Variants in SEPTIN14 observed in about 807,000 individuals in gnomAD.
SEPTIN14 encodes the protein septin-14.
In SEPTIN14, 40 loss-of-function variants were observed where a neutral mutation model predicts 53.6. The ratio of observed to expected loss-of-function variants is 0.75; its 90% CI spans 0.58 to 0.97. The LOEUF is 0.97. Ranked by LOEUF, SEPTIN14 falls within the 50% of genes least tolerant of loss-of-function variation. The pLI is 0.00. For synonymous variants in SEPTIN14, 138 were observed against 166.8 expected, an observed-to-expected ratio of 0.83 and a Z score of 1.33; for missense variants, 471 against 508.2, an observed-to-expected ratio of 0.93 and a Z score of 0.70.
chr7:55,839,846 A>AT (rs2116043143), intron 5 of SEPTIN14, among the ~76,000 whole-genome samples: 1 of 152,306 alleles, frequency 6.6e-6, no homozygotes, highest in African/African-American at 2.4e-5. Flanking sequence ...CAAAGAGGTG[A>AT]TTAAAAAGTG....
intron 8 of SEPTIN14, 64 bp downstream of exon 8, chr7:55,807,026 T>C (rs1241671533): frequency 7.7e-6 from 9 of 1,168,200 alleles, no homozygotes; most frequent in Non-Finnish European, 1.1e-5. Context: ...CAAATTATCA[T>C]ACCTTGTGTT....
intron 1 of SEPTIN14, among the ~76,000 whole-genome samples, chr7:55,862,448 A>T (rs1031248745): frequency 6.6e-6 from 1 of 152,186 alleles, no homozygotes; most frequent in African/African-American, 2.4e-5. Flanking sequence ...ATTTGAATTT[A>T]CCCATTGAAA....
At chr7:55,811,905 T>C (rs560802807) in intron 7 of SEPTIN14, among the ~76,000 whole-genome samples, 22 of 152,162 alleles carry the variant, frequency 1.4e-4, no homozygotes, top group African/African-American at 5.3e-4. Flanking sequence ...GTGATTCTCC[T>C]GCCTCAGCCT....
chr7:55,818,568 A>G (rs909923291), intron 7 of SEPTIN14, among the ~76,000 whole-genome samples: 3 of 152,086 alleles, frequency 2.0e-5, no homozygotes, highest in South Asian at 2.1e-4. Flanking sequence ...TATGAACCAG[A>G]CAATAAATTA....
chr7:55,841,817 TG>T (rs1789316947), intron 5 of SEPTIN14, among the ~76,000 whole-genome samples: 1 of 142,966 alleles, frequency 7.0e-6, no homozygotes, highest in Non-Finnish European at 1.5e-5. Context: ...ATCACGCCAT[TG>T]CACTCTGGCC....
intron 6 of SEPTIN14, among the ~76,000 whole-genome samples, chr7:55,830,338 TATATATA>T (rs1562713347): frequency 1.3e-4 from 6 of 44,724 alleles, no homozygotes; most frequent in East Asian, 1.0e-3. Context: ...TATATATATA[TATATATA>T]TATATTTTTT....
At chr7:55,820,530 C>A (rs373180069) in intron 6 of SEPTIN14, among the ~76,000 whole-genome samples, 22 of 152,270 alleles carry the variant, frequency 1.4e-4, no homozygotes, top group African/African-American at 5.3e-4. Flanking sequence ...ATAGAAGTGT[C>A]ATTGATCCCA....
At chr7:55,840,363 C>T (rs1789287588) in intron 5 of SEPTIN14, among the ~76,000 whole-genome samples, 2 of 151,922 alleles carry the variant, frequency 1.3e-5, no homozygotes, top group Non-Finnish European at 2.9e-5. Context: ...GTGGTGGGCG[C>T]CTGTAATCCC....
At chr7:55,800,483 G>A (rs1467705298) in intron 9 of SEPTIN14, among the ~76,000 whole-genome samples, 4 of 152,192 alleles carry the variant, frequency 2.6e-5, no homozygotes, top group Admixed American at 6.6e-5. Context: ...AATTAGCTGG[G>A]TGTGGTGGCA....
rs1332711720 is a variant in SEPTIN14 at position 55,794,767 on chromosome 7, C to T, written c.*1146G>A. On this transcript the variant is annotated 3_prime_UTR_variant, in exon 10 of 10. Coordinates refer to ENST00000388975, the MANE Select transcript of SEPTIN14 (RefSeq NM_207366.3). ...CTGGCTACAAGCGATTCTCCTGCCT[C>T]AGCTTTCCGAGTAGCAGGGACTACA... 1 of 152,196 alleles carries T rather than the reference C, an allele frequency of 6.6e-6. No individual in the cohort carries two copies. Among genetic ancestry groups the T allele is most frequent in the South Asian group, 2.1e-4 (1 of 4,832 alleles). The allele number at this position is 152,196 out of a possible 1,614,324, so 9.4% of individuals were successfully genotyped here.
intron 7 of SEPTIN14, among the ~76,000 whole-genome samples, chr7:55,812,564 A>C (rs544444814): frequency 6.6e-6 from 1 of 152,200 alleles, no homozygotes; most frequent in Non-Finnish European, 1.5e-5. Context: ...TGTATATTTC[A>C]AAATTGCTAA....
chr7:55,824,675 G>A (rs1439897837), intron 6 of SEPTIN14, among the ~76,000 whole-genome samples: 3 of 151,418 alleles, frequency 2.0e-5, no homozygotes, highest in African/African-American at 7.3e-5. Flanking sequence ...TGTAATCCCA[G>A]ATACTTGGGA....
intron 6 of SEPTIN14, among the ~76,000 whole-genome samples, chr7:55,825,043 A>G (rs1041524751): frequency 1.1e-4 from 16 of 152,218 alleles, no homozygotes; most frequent in African/African-American, 2.7e-4. Context: ...AAGCCTGCAC[A>G]CAAATGTTTA....
At chr7:55,815,127 C>T (rs1788770917) in intron 7 of SEPTIN14, among the ~76,000 whole-genome samples, 1 of 152,078 alleles carries the variant, frequency 6.6e-6, no homozygotes, top group African/African-American at 2.4e-5. Flanking sequence ...TCTCTCAACA[C>T]ATATAAAAAT....
intron 6 of SEPTIN14, among the ~76,000 whole-genome samples, chr7:55,830,469 G>A (rs779342818): frequency 1.3e-5 from 2 of 149,048 alleles, no homozygotes; most frequent in East Asian, 4.1e-4. Context: ...TCAGCCTCCC[G>A]AGTTGCTGGG....
intron 2 of SEPTIN14, chr7:55,850,790 G>T (rs1335277559): frequency 6.6e-6 from 1 of 151,910 alleles, no homozygotes; most frequent in South Asian, 2.1e-4. Flanking sequence ...CACATACATG[G>T]CCAGGTACAG....
At chr7:55,855,597 C>A (rs1584275366) in intron 2 of SEPTIN14, among the ~76,000 whole-genome samples, 1 of 152,064 alleles carries the variant, frequency 6.6e-6, no homozygotes, top group African/African-American at 2.4e-5. Flanking sequence ...GCTCTATTGA[C>A]CAGGCTGGAG....
intron 9 of SEPTIN14, among the ~76,000 whole-genome samples, chr7:55,803,146 C>G (rs1284029873): frequency 6.6e-6 from 1 of 152,152 alleles, no homozygotes; most frequent in African/African-American, 2.4e-5. Context: ...CCATGTTGGT[C>G]AGGCTGGTCT....
At chr7:55,811,215 C>T (rs936694389) in intron 7 of SEPTIN14, 45 of 525,496 alleles carry the variant, frequency 8.6e-5, no homozygotes, top group African/African-American at 1.3e-4. Flanking sequence ...TTCATCTTTG[C>T]GCAGTGCCTT....
Sources: gnomAD v4.1 joint callset for allele counts (sites outside exome capture counted in the v4.1 genomes callset) on GRCh38, gnomAD v4.1.1 for gene constraint, MANE v1.5 for transcripts, NCBI Gene and HGNC (gene_info 2026-07-23, HGNC 2026-07-21) for gene names.